Variants in GABRQ observed in about 807,000 individuals in gnomAD.
GABRQ encodes the protein gamma-aminobutyric acid type A receptor subunit theta, also known as gamma-aminobutyric acid receptor subunit theta.
In GABRQ, 19 loss-of-function variants were observed where a neutral mutation model predicts 30.5. The ratio of observed to expected loss-of-function variants is 0.62; its 90% confidence interval spans 0.43 to 0.91. The LOEUF (loss-of-function observed/expected upper bound fraction) is 0.91, where lower values mean the gene tolerates loss of function less well. Among genes scored for constraint, GABRQ ranks in the 40% least tolerant of loss-of-function variants. The pLI, the probability that GABRQ is intolerant of heterozygous loss-of-function variation, is 0.00. For synonymous variants in GABRQ, 187 were observed against 210.2 expected, an observed-to-expected ratio of 0.89 and a Z score of 0.95; for missense variants, 520 against 521.4, an observed-to-expected ratio of 1.00 and a Z score of 0.03.
intron 2 of GABRQ, among the ~76,000 whole-genome samples, chrX:152,644,555 C>T (rs1466576430): frequency 8.9e-6 from 1 of 112,277 alleles, no homozygotes; most frequent in Non-Finnish European, 1.9e-5. Context: ...ACACATCACA[C>T]AATACACAAA....
chrX:152,642,900 G>A (rs1389394671), intron 2 of GABRQ, among the ~76,000 whole-genome samples: 1 of 112,451 alleles, frequency 8.9e-6, no homozygotes, highest in African/African-American at 3.2e-5. Flanking sequence ...TTAGAAGAAT[G>A]TCCCCTTCCT....
downstream of GABRQ, among the ~76,000 whole-genome samples, chrX:152,657,807 C>A (rs1449552617): frequency 8.9e-6 from 1 of 112,570 alleles, no homozygotes. Flanking sequence ...GAACAGGCCA[C>A]TGTGGTGCCA....
In GABRQ at chrX:152,649,877, C is replaced by T. The variant is rs1366440737; in HGVS notation, c.746C>T (p.Thr249Ile). 2.5e-6 allele frequency: 3 copies of T among 1,196,607 alleles called. No homozygotes were observed. The highest frequency in any genetic ancestry group is 3.4e-6 in the Non-Finnish European group (3 of 882,879). ...ACTAGCAAGGAGGTGTATTTCTACA[C>T]AGGTGGGTCTGACCCCTTCCTTCTC... ...TITSKEVYFY[T>I]GSYIRLILKF... The change falls in exon 6 of 9, where the codon ACA becomes ATA. Residue 249 changes from threonine to isoleucine, a missense_variant and splice_region_variant. Transcript: ENST00000598523.
At position 152,640,897 on chromosome X, in the gene GABRQ, G is replaced by A. The variant is rs139247798; in HGVS notation, c.238+431G>A. 0.016 allele frequency among the ~76,000 whole-genome samples: 1,793 copies of A among 110,886 alleles called. 130 individuals carry two copies. In the East Asian group the frequency reaches 0.29, roughly 18 times the overall value. ...TCAGCTAGTTCCAAACTGAGAGCAC[G>A]GTCTTTTCTGTCTAGTGTACTTAAC... On this transcript the variant is annotated intron_variant, in intron 2 of 8. Coordinates refer to ENST00000598523, the MANE Select transcript of GABRQ (RefSeq NM_018558.4).
rs1556817700 is a variant in GABRQ at position 152,638,176 on chromosome X, C to T, written c.-27C>T. On this transcript the variant is annotated 5_prime_UTR_variant, in exon 1 of 9. Transcript: ENST00000598523. ...CCTTTTCGCGGCCCCGTCTCCCGCGCCCTCAGGCGCCCAGAACGCCCCGGC... is the reference window on the plus strand; with the variant it reads ...CCTTTTCGCGGCCCCGTCTCCCGCGTCCTCAGGCGCCCAGAACGCCCCGGC... The T allele has an allele frequency of 8.3e-7, 1 of 1,202,560 alleles. No homozygotes were observed. Among genetic ancestry groups the T allele is most frequent in the Non-Finnish European group, 1.1e-6 (1 of 889,824 alleles).
chrX:152,652,997 G>C lies in GABRQ; in HGVS notation c.1615G>C (p.Asp539His). Residue 539 changes from aspartate to histidine, a missense_variant, in exon 9 of 9, where the codon GAC becomes CAC. By Grantham distance (81) the Asp-to-His change is moderately conservative (BLOSUM62 -1). Coordinates refer to ENST00000598523, the MANE Select transcript of GABRQ (RefSeq NM_018558.4). The stretch of plus-strand genomic sequence containing the variant: ...AGGCTGGGACCTTGATGACAACAAT[G>C]ACAAGAGCGACTGCCTTGCCATTAA... ...EAGWDLDDNNDKSDCLAIKEQ... is the reference protein window; with the variant it reads ...EAGWDLDDNNHKSDCLAIKEQ... The C allele has an allele frequency of 8.3e-7, 1 of 1,210,949 alleles. No individual in the cohort carries two copies. Among genetic ancestry groups the C allele is most frequent in the East Asian group, 3.0e-5 (1 of 33,824 alleles).
At chrX:152,641,739 A>G (rs1195404476) in intron 2 of GABRQ, among the ~76,000 whole-genome samples, 1 of 112,802 alleles carries the variant, frequency 8.9e-6, no homozygotes, top group Non-Finnish European at 1.9e-5. Flanking sequence ...CCCAAGGGAT[A>G]AAGGTCTGGC....
chrX:152,658,468 G>A (rs191761666), downstream of GABRQ, among the ~76,000 whole-genome samples: 2 of 112,209 alleles, frequency 1.8e-5, no homozygotes, highest in African/African-American at 6.5e-5. Flanking sequence ...TGTGGTCACA[G>A]GTACAAAGTG....
chrX:152,645,832 A>G (rs1930874788), intron 3 of GABRQ, among the ~76,000 whole-genome samples: 1 of 112,846 alleles, frequency 8.9e-6, no homozygotes, highest in Non-Finnish European at 1.9e-5. Context: ...AGGCTTATTA[A>G]GCTTTTAAAA....
chrX:152,638,185 G>A lies in GABRQ; in HGVS notation c.-18G>A, dbSNP rs1269179137. 8 of 1,205,201 alleles carry A rather than the reference G, an allele frequency of 6.6e-6. No homozygotes were observed. The highest frequency in any genetic ancestry group is 9.0e-6 in the Non-Finnish European group (8 of 891,909). ...GGCCCCGTCTCCCGCGCCCTCAGGCGCCCAGAACGCCCCGGCCATGGGCAT... is the reference window on the plus strand; with the variant it reads ...GGCCCCGTCTCCCGCGCCCTCAGGCACCCAGAACGCCCCGGCCATGGGCAT... On this transcript the variant is annotated 5_prime_UTR_variant, in exon 1 of 9. Coordinates refer to ENST00000598523, the MANE Select transcript of GABRQ (RefSeq NM_018558.4).
rs782708286 is a variant in GABRQ at position 152,651,783 on chromosome X, G to A, written c.1158+1G>A. The A allele has an allele frequency of 8.3e-7, 1 of 1,209,164 alleles. No homozygotes were observed. The highest frequency in any genetic ancestry group is 1.1e-6 in the Non-Finnish European group (1 of 893,674). On this transcript the variant is annotated splice_donor_variant, in intron 8 of 8. Transcript: ENST00000598523. LOFTEE classifies it high-confidence loss of function. ...GCAAGTGGTGGTAGGAAACGTGCAG[G>A]TTTGACTTTTTGACTGACAATCAGC...
intron 1 of GABRQ, 131 bp downstream of exon 1, chrX:152,638,482 C>T: frequency 1.6e-6 from 1 of 608,676 alleles, no homozygotes; most frequent in Non-Finnish European, 2.5e-6. Context: ...GCTCGCTGAG[C>T]CCTGGCGCCC....
In GABRQ at chrX:152,647,036, A is replaced by G. The variant is rs782604081; in HGVS notation, c.395A>G (p.Tyr132Cys). 9 of 1,203,854 alleles carry G rather than the reference A, an allele frequency of 7.5e-6. No individual in the cohort carries two copies. The South Asian group carries it at 1.4e-4, about 19-fold the overall frequency. Residue 132 changes from tyrosine to cysteine, a missense_variant, in exon 4 of 9, where the codon TAT becomes TGT. Coordinates refer to ENST00000598523, the MANE Select transcript of GABRQ (RefSeq NM_018558.4). ...ACCACCCTGAACTTGACCCTGGACT[A>G]TCGGATGCATGAGAAGTTGTGGGTC... ...YETTLNLTLD[Y>C]RMHEKLWVPD...
chrX:152,651,868 C>G lies in GABRQ; in HGVS notation c.1158+86C>G, dbSNP rs1931032228. 3 of 946,262 alleles carry G rather than the reference C, an allele frequency of 3.2e-6. No individual in the cohort carries two copies. In the African/African-American group the frequency reaches 5.8e-5, roughly 18 times the overall value. 78.0% of individuals were successfully genotyped at this position (946,262 alleles called of 1,213,427 possible). ...CTTTTGACCCTTTTGCATTTCTTAG[C>G]TTTTTAAATACGCGCACCCACACAT... On this transcript the variant is annotated intron_variant, in intron 8 of 8. Coordinates refer to ENST00000598523, the MANE Select transcript of GABRQ (RefSeq NM_018558.4).
rs782569932 is a variant in GABRQ at position 152,649,352 on chromosome X, G to T, written c.610+19G>T. 2 of 980,364 alleles carry T rather than the reference G, an allele frequency of 2.0e-6. No individual in the cohort carries two copies. The highest frequency in any genetic ancestry group is 2.9e-6 in the Non-Finnish European group (2 of 684,033). The allele number at this position is 980,364 out of a possible 1,213,427, so 80.8% of individuals were successfully genotyped here. A position where few individuals can be genotyped will look rare whatever the true frequency, so the allele number is the denominator to read the frequency against. ...GAGAGCTGTACGTATGTCTCCTATG[G>T]CCCCTTCTTCCGTACTTGGGGCTGT... On this transcript the variant is annotated intron_variant, in intron 5 of 8. Transcript: ENST00000598523.
Position 152,652,767 on chromosome X carries a change from A to T in GABRQ, c.1385A>T (p.His462Leu). Residue 462 changes from histidine (H) to leucine (L), a missense_variant, in exon 9 of 9, where the codon CAC (histidine) becomes CTC (leucine). Physicochemically the swap from His to Leu is moderately conservative, Grantham distance 99. Transcript: ENST00000598523. ...CCCTCCACCTCAGAGCAGGCCCGGC[A>T]CAGCTATGGTGTTCGCTTTAATGGT... The part of the protein sequence containing the change: ...DLPSTSEQAR[H>L]SYGVRFNGFQ... The T allele has an allele frequency of 8.3e-7, 1 of 1,211,751 alleles. No individual in the cohort carries two copies. Among genetic ancestry groups the T allele is most frequent in the South Asian group, 1.8e-5 (1 of 57,015 alleles).
At position 152,653,093 on chromosome X, in the gene GABRQ, G is replaced by A; in HGVS notation, c.1711G>A (p.Glu571Lys). 1 of 1,210,814 alleles carries A rather than the reference G, an allele frequency of 8.3e-7. No individual in the cohort carries two copies. The change falls in exon 9 of 9, where the codon GAG (glutamate) becomes AAG (lysine). Residue 571 changes from glutamate (E) to lysine (K), a missense_variant. Glu to Lys is a moderately conservative substitution (Grantham distance 56, BLOSUM62 1). Coordinates refer to ENST00000598523, the MANE Select transcript of GABRQ (RefSeq NM_018558.4). ...TGATGAGCTCATGGCCCATGGCCAA[G>A]AGAAGGACAGTAGCTCAGAGTCTGA... ...NDDELMAHGQ[E>K]KDSSSESEDS...
At chrX:152,646,054 A>G (rs1930880525) in intron 3 of GABRQ, among the ~76,000 whole-genome samples, 1 of 112,938 alleles carries the variant, frequency 8.9e-6, no homozygotes, top group Non-Finnish European at 1.9e-5. Flanking sequence ...AGCATGAAGG[A>G]CATATTCAAA....
rs1930651301 is a variant in GABRQ at position 152,638,010 on chromosome X, C to T, written c.-193C>T. Among the ~76,000 whole-genome samples, 1 of 112,969 alleles carries T rather than the reference C, an allele frequency of 8.9e-6. No individual in the cohort carries two copies. Among genetic ancestry groups the T allele is most frequent in the Admixed American group, 9.2e-5 (1 of 10,881 alleles). ...GGTTGCTCCTCCCGGGCTCTCATCT[C>T]CGGTATCCGGGCCGACCCCCGCACC... is the stretch of plus-strand genomic sequence containing the variant. On this transcript the variant is annotated 5_prime_UTR_variant, in exon 1 of 9. Transcript: ENST00000598523.
Sources: allele counts gnomAD v4.1 joint callset (sites outside exome capture counted in the v4.1 genomes callset), GRCh38; gene constraint gnomAD v4.1.1; transcripts MANE v1.5; gene names NCBI Gene and HGNC (gene_info 2026-07-23, HGNC 2026-07-21).